Variants in ABHD17B observed in about 807,000 individuals in gnomAD.
The protein encoded by ABHD17B is alpha/beta hydrolase domain-containing protein 17B.
In ABHD17B, 9 loss-of-function variants were observed where a neutral mutation model predicts 26.2. The ratio of observed to expected loss-of-function variants is 0.34; its 90% CI spans 0.21 to 0.60. The LOEUF (loss-of-function observed/expected upper bound fraction) is 0.60, where lower values mean the gene tolerates loss of function less well. Among genes scored for constraint, ABHD17B ranks in the 20% least tolerant of loss-of-function variants. ABHD17B has a pLI of 0.80. For synonymous variants in ABHD17B, 127 were observed against 122.3 expected, an observed-to-expected ratio of 1.04 and a Z score of -0.25; for missense variants, 224 against 352.1, an observed-to-expected ratio of 0.64 and a Z score of 2.91.
chr9:71,902,774 C>T (rs1827181186), intron 1 of ABHD17B, among the ~76,000 whole-genome samples: 1 of 152,080 alleles, frequency 6.6e-6, no homozygotes, highest in Non-Finnish European at 1.5e-5. Flanking sequence ...TAATCAGAAA[C>T]AAAATATCTA....
intron 1 of ABHD17B, among the ~76,000 whole-genome samples, chr9:71,898,882 C>G (rs374863416): frequency 2.6e-5 from 4 of 151,958 alleles, no homozygotes; most frequent in African/African-American, 9.7e-5. Context: ...CAGCACTTTG[C>G]GAGTCTGAGG....
At chr9:71,901,952 T>C (rs1235241501) in intron 1 of ABHD17B, among the ~76,000 whole-genome samples, 1 of 152,208 alleles carries the variant, frequency 6.6e-6, no homozygotes, top group Admixed American at 6.5e-5. Context: ...ATGCTATACA[T>C]GATTCCCCCT....
Position 71,874,619 on chromosome 9 carries a change from C to T in ABHD17B, c.462G>A (p.Arg154=). 6.4e-7 allele frequency: 1 copy of T among 1,570,828 alleles called. No individual in the cohort carries two copies. The highest frequency in any genetic ancestry group is 8.6e-7 in the Non-Finnish European group (1 of 1,158,574). Residue 154 remains arginine, a synonymous_variant, in exon 2 of 4, where the codon AGG becomes AGA. Coordinates refer to ENST00000333421, the MANE Select transcript of ABHD17B (RefSeq NM_001025780.3). ...AAATTCCAACCACAATTTACCTTGT[C>T]CTAAGAGCAAGCCAAGCAGCTTCAA... is the stretch of plus-strand genomic sequence containing the variant. ...ADIEAAWLAL[R]TRYGIRPENV...
At chr9:71,884,858 C>T (rs571361380) in intron 1 of ABHD17B, among the ~76,000 whole-genome samples, 3 of 152,202 alleles carry the variant, frequency 2.0e-5, no homozygotes, top group African/African-American at 7.2e-5. Flanking sequence ...TGATTCAACT[C>T]TTTGCACCCA....
At chr9:71,904,744 A>G (rs956281981) in intron 1 of ABHD17B, among the ~76,000 whole-genome samples, 95 of 152,340 alleles carry the variant, frequency 6.2e-4, no homozygotes, top group African/African-American at 2.1e-3. Flanking sequence ...AGGTAAAGTA[A>G]AAAAGAGAAA....
At chr9:71,901,243 TTTTG>T (rs991385242) in intron 1 of ABHD17B, among the ~76,000 whole-genome samples, 1 of 152,154 alleles carries the variant, frequency 6.6e-6, no homozygotes, top group Non-Finnish European at 1.5e-5. Context: ...TTTGTTTGTT[TTTTG>T]TTTTTCTTTT....
At chr9:71,885,308 A>G (rs994926933) in intron 1 of ABHD17B, among the ~76,000 whole-genome samples, 30 of 151,870 alleles carry the variant, frequency 2.0e-4, no homozygotes, top group Non-Finnish European at 3.7e-4. Flanking sequence ...ATTAATATAA[A>G]AATTAGCCAG....
At chr9:71,895,867 T>C (rs1470919630) in intron 1 of ABHD17B, among the ~76,000 whole-genome samples, 1 of 152,204 alleles carries the variant, frequency 6.6e-6, no homozygotes, top group Non-Finnish European at 1.5e-5. Context: ...GCAACAGGAC[T>C]ATTTAGAGCT....
intron 2 of ABHD17B, among the ~76,000 whole-genome samples, chr9:71,873,178 AAAGAAT>A (rs1398767971): frequency 1.3e-5 from 2 of 152,090 alleles, no homozygotes; most frequent in Non-Finnish European, 2.9e-5. Flanking sequence ...CATATAATAT[AAAGAAT>A]AGCCTATATT....
chr9:71,874,846 T>C lies in ABHD17B; in HGVS notation c.235A>G (p.Ile79Val), dbSNP rs777016254. Residue 79 changes from isoleucine (I) to valine (V), a missense_variant, in exon 2 of 4, where the codon ATT becomes GTT. Coordinates refer to ENST00000333421, the MANE Select transcript of ABHD17B (RefSeq NM_001025780.3). ...GAACAACGTACAAACATACAAGCAA[T>C]TCTGTTGCCTTTACTGGTTCTAGTC... is the stretch of plus-strand genomic sequence containing the variant. ...FMTRTSKGNR[I>V]ACMFVRCSPN... 3 of 1,614,092 alleles carry C rather than the reference T, an allele frequency of 1.9e-6. No individual in the cohort carries two copies. The East Asian group carries it at 6.7e-5, about 36-fold the overall frequency.
intron 1 of ABHD17B, among the ~76,000 whole-genome samples, chr9:71,884,108 T>C (rs1826536341): frequency 6.6e-6 from 1 of 151,976 alleles, no homozygotes; most frequent in Admixed American, 6.6e-5. Context: ...CTAACAAGTA[T>C]ATGAAAAAAG....
In ABHD17B at chr9:71,905,184, G is replaced by A. The variant is rs533578272; in HGVS notation, c.-4+5450C>T. ...GTCCCCCAGGCTGGAGTGTGGTGGC[G>A]CGATCTCGGCTCACTGCAACCTCTG... is the stretch of plus-strand genomic sequence containing the variant. On this transcript the variant is annotated intron_variant, in intron 1 of 3. Coordinates refer to ENST00000333421, the MANE Select transcript of ABHD17B (RefSeq NM_001025780.3). Among the ~76,000 whole-genome samples the A allele has an allele frequency of 3.5e-4, 53 of 151,316 alleles. 1 individual carries two copies. The highest frequency in any genetic ancestry group is 1.3e-3 in the African/African-American group (52 of 41,188).
intron 1 of ABHD17B, among the ~76,000 whole-genome samples, chr9:71,882,914 T>C (rs1826491000): frequency 6.6e-6 from 1 of 151,920 alleles, no homozygotes; most frequent in African/African-American, 2.4e-5. Context: ...GGGAGGCCGA[T>C]GTGGGCAGAA....
At position 71,905,881 on chromosome 9, in the gene ABHD17B, C is replaced by CA. The variant is rs200806318; in HGVS notation, c.-4+4752dup. On this transcript the variant is annotated intron_variant, in intron 1 of 3. Coordinates refer to ENST00000333421, the MANE Select transcript of ABHD17B (RefSeq NM_001025780.3). ...CAACATGGTGAAATCCTTGTCTCTACAAAAAAAATACAAAAATTAGCTGGG... is the reference window on the plus strand; with the variant it reads ...CAACATGGTGAAATCCTTGTCTCTACAAAAAAAAATACAAAAATTAGCTGGG... Among the ~76,000 whole-genome samples, 30 of 151,596 alleles carry CA rather than the reference C, an allele frequency of 2.0e-4. No individual in the cohort carries two copies. The East Asian group carries it at 4.7e-3, about 24-fold the overall frequency.
chr9:71,870,926 T>G (rs1826093628), intron 2 of ABHD17B, among the ~76,000 whole-genome samples: 1 of 152,232 alleles, frequency 6.6e-6, no homozygotes, highest in Admixed American at 6.5e-5. Context: ...AGGTACTATT[T>G]TAATCCCTTT....
chr9:71,880,046 T>C (rs1272310684), intron 1 of ABHD17B, among the ~76,000 whole-genome samples: 1 of 152,122 alleles, frequency 6.6e-6, no homozygotes, highest in African/African-American at 2.4e-5. Flanking sequence ...ACAGACATAG[T>C]TTCTAGAAAT....
At chr9:71,876,652 C>T (rs1312610984) in intron 1 of ABHD17B, among the ~76,000 whole-genome samples, 1 of 151,444 alleles carries the variant, frequency 6.6e-6, no homozygotes, top group Non-Finnish European at 1.5e-5. Context: ...GAAAAAAGTA[C>T]CCTATTACAC....
intron 3 of ABHD17B, among the ~76,000 whole-genome samples, chr9:71,869,706 C>G: frequency 6.6e-6 from 1 of 152,080 alleles, no homozygotes; most frequent in East Asian, 1.9e-4. Context: ...ACTGGATGGC[C>G]CTATCCATTA....
chr9:71,865,626 G>A lies in ABHD17B; in HGVS notation c.*1161C>T, dbSNP rs145307925. On this transcript the variant is annotated 3_prime_UTR_variant, in exon 4 of 4. Coordinates refer to ENST00000333421, the MANE Select transcript of ABHD17B (RefSeq NM_001025780.3). ...CATGCCTGTAATTCCGACACTTTGG[G>A]AGGCCAAGGGCAGATCATGAGGTCA... The A allele has an allele frequency of 1.8e-3, 1,705 of 940,096 alleles. 24 individuals are homozygous for A. In the African/African-American group the frequency reaches 0.028, roughly 15 times the overall value. 58.2% of individuals were successfully genotyped at this position (940,096 alleles called of 1,614,324 possible).
Sources: allele counts gnomAD v4.1 joint callset (sites outside exome capture counted in the v4.1 genomes callset), GRCh38; gene constraint gnomAD v4.1.1; transcripts MANE v1.5; gene names NCBI Gene and HGNC (gene_info 2026-07-23, HGNC 2026-07-21).